Variants in FKBP10 observed in about 807,000 individuals in gnomAD.
FKBP10 encodes the protein FKBP prolyl isomerase 10, also known as peptidyl-prolyl cis-trans isomerase FKBP10.
A neutral mutation model predicts 53.7 loss-of-function variants in FKBP10; 34 were observed. That is an observed-to-expected ratio of 0.63 (90% CI 0.48 to 0.84). FKBP10 has a LOEUF of 0.84. Among genes scored for constraint, FKBP10 ranks in the 40% least tolerant of loss-of-function variants. FKBP10 has a pLI of 0.00. For synonymous variants in FKBP10, 324 were observed against 335.7 expected (o/e 0.97, Z 0.38); for missense variants, 748 against 797.8 (o/e 0.94, Z 0.75).
chr17:41,822,133 G>C (rs1232258454), intron 9 of FKBP10, 90 bp from the exon 10 acceptor site: 1 of 1,285,850 alleles, frequency 7.8e-7, no homozygotes, highest in Non-Finnish European at 1.1e-6. Context: ...AGAAGAAAAA[G>C]AAAGCACTCA....
In FKBP10 at chr17:41,817,111, C is replaced by G. The variant is rs1555616183; in HGVS notation, c.299C>G (p.Thr100Ser). Residue 100 changes from threonine to serine, a missense_variant, in exon 2 of 10, where the codon ACT becomes AGT. Coordinates refer to ENST00000321562, the MANE Select transcript of FKBP10 (RefSeq NM_021939.4). ...GTGGTGGGTGTGGGGCGCCTCATCA[C>G]TGGCATGGACCGAGGCCTCATGGGC... ...AIVVGVGRLI[T>S]GMDRGLMGMC... The G allele has an allele frequency of 6.2e-7, 1 of 1,614,172 alleles. No individual in the cohort carries two copies.
At chr17:41,820,858 G>A (rs1399418147) in intron 7 of FKBP10, 89 bp from the exon 8 acceptor site, 16 of 1,534,560 alleles carry the variant, frequency 1.0e-5, no homozygotes, top group Non-Finnish European at 1.4e-5. Context: ...CGGAACTGAG[G>A]GCTTGTTCTG....
intron 1 of FKBP10, among the ~76,000 whole-genome samples, chr17:41,814,154 T>G (rs1597903377): frequency 1.3e-5 from 2 of 152,226 alleles, no homozygotes; most frequent in East Asian, 3.9e-4. Context: ...CACAGCACAC[T>G]GAAAGAAGTC....
chr17:41,813,127 G>A lies in FKBP10; in HGVS notation c.93G>A (p.Leu31=), dbSNP rs1231844386. The A allele has an allele frequency of 1.9e-6, 3 of 1,611,452 alleles. No homozygotes were observed. The highest frequency in any genetic ancestry group is 2.7e-5 in the African/African-American group (2 of 74,902). The change falls in exon 1 of 10, where the codon CTG becomes CTA. Residue 31 remains leucine, a synonymous_variant. Coordinates refer to ENST00000321562, the MANE Select transcript of FKBP10 (RefSeq NM_021939.4). ...LLVVQAVGRG[L]GRASPAGGPL... ...TGGTGCAGGCCGTGGGGAGGGGGCT[G>A]GGCCGCGCCAGCCCGGCCGGGGGCC...
rs1260763079 is a variant in FKBP10, at chr17:41,821,534, GC to G, written c.1400-116del. 219 of 1,248,736 alleles carry G rather than the reference GC, an allele frequency of 1.8e-4. 5 individuals carry two copies. The South Asian group carries it at 2.2e-3, about 13-fold the overall frequency. The allele number at this position is 1,248,736 out of a possible 1,614,324, so 77.4% of individuals were successfully genotyped here. A position where few individuals can be genotyped will look rare whatever the true frequency, so the allele number is the denominator to read the frequency against. On this transcript the variant is annotated intron_variant, in intron 8 of 9. Coordinates refer to ENST00000321562, the MANE Select transcript of FKBP10 (RefSeq NM_021939.4). ...CAGGATGGCTCCTTAAACATCCCAT[GC>G]CCCACTCTCCAGCCCAGCCCCAGGA... is the stretch of plus-strand genomic sequence containing the variant.
intron 7 of FKBP10, 91 bp from the exon 8 acceptor site, chr17:41,820,856 A>T: frequency 6.5e-7 from 1 of 1,528,782 alleles, no homozygotes; most frequent in Non-Finnish European, 8.8e-7. Context: ...TCCGGAACTG[A>T]GGGCTTGTTC....
chr17:41,815,863 G>A (rs1719830108), intron 1 of FKBP10, among the ~76,000 whole-genome samples: 1 of 151,598 alleles, frequency 6.6e-6, no homozygotes, highest in African/African-American at 2.4e-5. Flanking sequence ...TAATTGGCTG[G>A]GCACAGTGGC....
intron 1 of FKBP10, 49 bp downstream of exon 1, chr17:41,813,328 C>G: frequency 6.2e-7 from 1 of 1,611,398 alleles, no homozygotes; most frequent in Non-Finnish European, 8.5e-7. Context: ...CCCCTGAACC[C>G]GGGGTCCTGT....
At chr17:41,817,692 G>A (rs1239086826) in intron 2 of FKBP10, among the ~76,000 whole-genome samples, 3 of 150,914 alleles carry the variant, frequency 2.0e-5, no homozygotes, top group Non-Finnish European at 2.9e-5. Flanking sequence ...TTAGTGGTGC[G>A]ATCTCGGCTC....
At chr17:41,821,900 C>A in intron 9 of FKBP10, 83 bp downstream of exon 9, 1 of 1,562,086 alleles carries the variant, frequency 6.4e-7, no homozygotes, top group Non-Finnish European at 8.7e-7. Context: ...GTCCCCCGTC[C>A]GGACTGCCCA....
At chr17:41,816,654 G>T (rs1248759578) in intron 1 of FKBP10, among the ~76,000 whole-genome samples, 1 of 152,098 alleles carries the variant, frequency 6.6e-6, no homozygotes, top group African/African-American at 2.4e-5. Context: ...ACCTCACAGG[G>T]GAGACAAAGA....
Position 41,819,689 on chromosome 17 carries a change from C to A in FKBP10, c.1063+14C>A. ...AGAATGGAACTGGTAGGGGCGTTCCCCAGCCACCACCTCAGCTCCTCCTCC... is the reference window on the plus strand; with the variant it reads ...AGAATGGAACTGGTAGGGGCGTTCCACAGCCACCACCTCAGCTCCTCCTCC... On this transcript the variant is annotated intron_variant, in intron 6 of 9. Coordinates refer to ENST00000321562, the MANE Select transcript of FKBP10 (RefSeq NM_021939.4). The A allele has an allele frequency of 6.3e-7, 1 of 1,589,274 alleles. No homozygotes were observed. Among genetic ancestry groups the A allele is most frequent in the East Asian group, 2.3e-5 (1 of 43,708 alleles).
Position 41,822,284 on chromosome 17 carries a change from AC to A in FKBP10, c.1628del (p.Pro543LeufsTer5). The A allele has an allele frequency of 4.3e-6, 7 of 1,613,944 alleles. No homozygotes were observed. Among genetic ancestry groups the A allele is most frequent in the Non-Finnish European group, 5.9e-6 (7 of 1,179,956 alleles). On this transcript the variant is annotated frameshift_variant, in exon 10 of 10. Transcript: ENST00000321562. LOFTEE classifies it high-confidence loss of function. ...AAAGGACGCCTCATGCCTGGGCAGGACCCTGAGAAAACCATAGGAGACATGT... is the reference window on the plus strand; with the variant it reads ...AAAGGACGCCTCATGCCTGGGCAGGACCTGAGAAAACCATAGGAGACATGT... ...EGKGRLMPGQ[D>X]PEKTIGDMFQ...
rs1361192847 is a variant in FKBP10 at position 41,822,453 on chromosome 17, G to A, written c.*45G>A. ...GGCCTGAGACACAGAGGCCCACTGCGAGGGGGACAGTGGCGGTGGGACTGA... is the reference window on the plus strand; with the variant it reads ...GGCCTGAGACACAGAGGCCCACTGCAAGGGGGACAGTGGCGGTGGGACTGA... On this transcript the variant is annotated 3_prime_UTR_variant, in exon 10 of 10. Coordinates refer to ENST00000321562, the MANE Select transcript of FKBP10 (RefSeq NM_021939.4). The A allele has an allele frequency of 3.4e-5, 53 of 1,559,854 alleles. No homozygotes were observed. The highest frequency in any genetic ancestry group is 5.7e-5 in the Admixed American group (3 of 52,304).
rs782695440 is a variant in FKBP10, at chr17:41,818,450, G to A, written c.650G>A (p.Gly217Glu). 1.1e-5 allele frequency: 18 copies of A among 1,614,072 alleles called. No individual in the cohort carries two copies. The highest frequency in any genetic ancestry group is 1.5e-5 in the Non-Finnish European group (18 of 1,180,038). The change falls in exon 4 of 10, where the codon GGG (glycine) becomes GAG (glutamate). Residue 217 changes from glycine (G) to glutamate (E), a missense_variant. Transcript: ENST00000321562. The part of the protein sequence containing the change: ...SGWLIKGMDQ[G>E]LLGMCPGERR... ...TGGCTGATCAAGGGCATGGACCAGG[G>A]GCTGCTGGGCATGTGTCCTGGAGAG...
Position 41,815,168 on chromosome 17 carries a change from C to A in FKBP10, c.245+1889C>A, listed in dbSNP as rs908058570. On this transcript the variant is annotated intron_variant, in intron 1 of 9. Transcript: ENST00000321562. ...AAGGCGGGTGGGTATTATAAGAAGACAGCCAGCTGGACCTGGGGGTAGGGC... is the reference window on the plus strand; with the variant it reads ...AAGGCGGGTGGGTATTATAAGAAGAAAGCCAGCTGGACCTGGGGGTAGGGC... 3.4e-4 allele frequency among the ~76,000 whole-genome samples: 52 copies of A among 152,318 alleles called. 1 individual carries two copies. Among genetic ancestry groups the A allele is most frequent in the African/African-American group, 1.2e-3 (50 of 41,580 alleles).
At chr17:41,821,972 T>C (rs938747714) in intron 9 of FKBP10, among the ~76,000 whole-genome samples, 155 bp downstream of exon 9, 4 of 152,122 alleles carry the variant, frequency 2.6e-5, no homozygotes, top group Non-Finnish European at 4.4e-5. Flanking sequence ...CCCTGCTTTT[T>C]CCTGGGCACA....
chr17:41,814,889 C>T (rs782507879), intron 1 of FKBP10, among the ~76,000 whole-genome samples: 2 of 152,116 alleles, frequency 1.3e-5, no homozygotes, highest in Non-Finnish European at 2.9e-5. Context: ...CATGCCACCA[C>T]GCCCAGCTAA....
In FKBP10 at chr17:41,820,942, C is replaced by A; in HGVS notation, c.1257-5C>A. 6.2e-7 allele frequency: 1 copy of A among 1,611,400 alleles called. No individual in the cohort carries two copies. On this transcript the variant is annotated splice_polypyrimidine_tract_variant and splice_region_variant and intron_variant, in intron 7 of 9. Transcript: ENST00000321562. The stretch of plus-strand genomic sequence containing the variant: ...CTGCTGACCTGGGCATCTGCTCTCC[C>A]CCAGGCATGACTACGGGGCCCCCCA...
Sources: gnomAD v4.1 joint callset for allele counts (sites outside exome capture counted in the v4.1 genomes callset) on GRCh38, gnomAD v4.1.1 for gene constraint, MANE v1.5 for transcripts, NCBI Gene and HGNC (gene_info 2026-07-23, HGNC 2026-07-21) for gene names.